Variants in DHRS4L2 observed in about 807,000 individuals in gnomAD.
The protein encoded by DHRS4L2 is dehydrogenase/reductase SDR family member 4-like 2.
In DHRS4L2, 22 loss-of-function variants were observed where a neutral mutation model predicts 23.9. The observed-to-expected ratio is 0.92, with a 90% CI of 0.66 to 1.31. The LOEUF is 1.31. DHRS4L2 is among the 40% of genes most tolerant of loss of function. The pLI, the probability that DHRS4L2 is intolerant of heterozygous loss-of-function variation, is 0.00. For missense variants in DHRS4L2, 385 were observed against 303.3 expected, an observed-to-expected ratio of 1.27 and a Z score of -2.00; for synonymous variants, 141 against 123.7, an observed-to-expected ratio of 1.14 and a Z score of -0.93.
rs1278872429 is a variant in DHRS4L2 at position 23,975,733 on chromosome 14, C to A, written c.-176+5401C>A. Among the ~76,000 whole-genome samples the A allele has an allele frequency of 9.9e-5, 15 of 151,758 alleles. No individual in the cohort carries two copies. In the East Asian group the frequency reaches 2.9e-3, roughly 29 times the overall value. On this transcript the variant is annotated intron_variant, in intron 1 of 5. Coordinates refer to the DHRS4L2 transcript ENST00000534993. ...GCATGGTACCGGTACCAAAACATAT[C>A]TAGACCAATGGAACAGAACAGAGGC...
At chr14:23,998,955 G>A (rs1319967639) in intron 3 of DHRS4L2, among the ~76,000 whole-genome samples, 2 of 148,652 alleles carry the variant, frequency 1.3e-5, no homozygotes, top group African/African-American at 5.0e-5. Flanking sequence ...TTGATTTAAA[G>A]TGAAAGATGT....
chr14:23,988,869 C>A, upstream of DHRS4L2: 3 of 1,541,554 alleles, frequency 1.9e-6, no homozygotes, highest in East Asian at 2.3e-5. Flanking sequence ...GGGAAGCGGC[C>A]CGCCCTTCGT....
At chr14:23,989,543 G>T (rs77491846) in intron 1 of DHRS4L2, among the ~76,000 whole-genome samples, 1 of 151,270 alleles carries the variant, frequency 6.6e-6, no homozygotes, top group African/African-American at 2.4e-5. Flanking sequence ...TTTTTAGGTC[G>T]GTACATCTGG....
At chr14:23,988,859 G>C (rs991693641), upstream of DHRS4L2, 6 of 1,515,702 alleles carry the variant, frequency 4.0e-6, no homozygotes, top group African/African-American at 8.2e-5. Context: ...GGGGCAGGCA[G>C]GGAAGCGGCC....
At chr14:24,001,266 C>T in intron 5 of DHRS4L2, 118 bp from the exon 6 acceptor site, 1 of 1,564,030 alleles carries the variant, frequency 6.4e-7, no homozygotes, top group Non-Finnish European at 8.6e-7. Flanking sequence ...AAGACAGTTT[C>T]CTAACTCTGC....
chr14:23,974,551 A>C (rs371168809), intron 1 of DHRS4L2, among the ~76,000 whole-genome samples: 2 of 151,782 alleles, frequency 1.3e-5, no homozygotes, highest in African/African-American at 4.8e-5. Flanking sequence ...ACACAATAAA[A>C]AATCATAAAG....
intron 1 of DHRS4L2, among the ~76,000 whole-genome samples, chr14:23,981,251 G>A (rs533011666): frequency 1.6e-4 from 25 of 151,662 alleles, no homozygotes; most frequent in South Asian, 6.3e-4. Context: ...TACAAGGGAT[G>A]TGAAGGACCT....
chr14:23,999,908 G>A (rs1396536488), intron 3 of DHRS4L2, among the ~76,000 whole-genome samples: 1 of 128,066 alleles, frequency 7.8e-6, no homozygotes, highest in Non-Finnish European at 1.6e-5. Flanking sequence ...TGCCCAGGCT[G>A]TTCTCGAACT....
At position 23,969,916 on chromosome 14, in the gene DHRS4L2, G is replaced by A. The variant is rs112641258; in HGVS notation, c.-592G>A. The A allele has an allele frequency of 8.6e-5, 38 of 440,842 alleles. No individual in the cohort carries two copies. The East Asian group carries it at 2.4e-3, about 28-fold the overall frequency. 27.3% of individuals were successfully genotyped at this position (440,842 alleles called of 1,614,324 possible). A position where few individuals can be genotyped will look rare whatever the true frequency, so the allele number is the denominator to read the frequency against. On this transcript the variant is annotated 5_prime_UTR_variant, in exon 1 of 6. Coordinates refer to the DHRS4L2 transcript ENST00000534993. ...TCTCCGGGCCGGCGTGGGAGCCCGC[G>A]CTCCAAGGCCCGGTGGGGGGAGGGG... is the stretch of plus-strand genomic sequence containing the variant.
chr14:23,970,547 C>G lies in DHRS4L2; in HGVS notation c.-176+215C>G, dbSNP rs370541905. ...TTCCACCTCAGGGGCCAGGGCATATCTGAACAAAAGGCAGCGGACAGCTTC... is the reference window on the plus strand; with the variant it reads ...TTCCACCTCAGGGGCCAGGGCATATGTGAACAAAAGGCAGCGGACAGCTTC... On this transcript the variant is annotated intron_variant, in intron 1 of 5. Transcript: ENST00000534993. Among the ~76,000 whole-genome samples, 32 of 152,246 alleles carry G rather than the reference C, an allele frequency of 2.1e-4. No individual in the cohort carries two copies. The East Asian group carries it at 5.8e-3, about 28-fold the overall frequency.
intron 1 of DHRS4L2, among the ~76,000 whole-genome samples, chr14:23,989,528 AC>A (rs947221797): frequency 3.3e-5 from 5 of 151,464 alleles, no homozygotes; most frequent in African/African-American, 9.7e-5. Flanking sequence ...ATGTGTCGAG[AC>A]TTTTTTTTAG....
At chr14:23,980,961 C>T (rs186258082) in intron 1 of DHRS4L2, among the ~76,000 whole-genome samples, 1 of 151,608 alleles carries the variant, frequency 6.6e-6, no homozygotes, top group Admixed American at 6.6e-5. Flanking sequence ...AGCCAGGGCA[C>T]TCAGGCAAGA....
At chr14:23,986,271 C>T (rs888977109), upstream of DHRS4L2, among the ~76,000 whole-genome samples, 8 of 151,240 alleles carry the variant, frequency 5.3e-5, no homozygotes, top group Admixed American at 5.3e-4. Flanking sequence ...CCTGTGAGAA[C>T]ACTGCATGTT....
intron 7 of DHRS4L2, among the ~76,000 whole-genome samples, chr14:24,005,610 C>G (rs1403357195): frequency 6.6e-6 from 1 of 152,016 alleles, no homozygotes; most frequent in Admixed American, 6.6e-5. Flanking sequence ...ATCTATATAA[C>G]TTTGGATTTT....
upstream of DHRS4L2, among the ~76,000 whole-genome samples, chr14:23,985,540 C>T (rs143140915): frequency 5.4e-4 from 82 of 151,608 alleles, 3 homozygotes; most frequent in Middle Eastern, 3.4e-3. Context: ...GGACCGCAGG[C>T]AGCCCTTGAA....
chr14:24,004,631 C>A (rs2034539429), intron 7 of DHRS4L2: 1 of 709,572 alleles, frequency 1.4e-6, no homozygotes, highest in Non-Finnish European at 2.4e-6. Context: ...CTCGGAGAAG[C>A]CCTGAGTCCT....
intron 3 of DHRS4L2, among the ~76,000 whole-genome samples, chr14:23,996,739 C>G (rs1391067383): frequency 6.7e-6 from 1 of 149,292 alleles, no homozygotes; most frequent in Non-Finnish European, 1.5e-5. Context: ...CTCCCAGGTT[C>G]AAGCGATTCT....
chr14:23,994,124 C>T (rs1378681569), intron 2 of DHRS4L2, among the ~76,000 whole-genome samples: 3 of 151,788 alleles, frequency 2.0e-5, no homozygotes, highest in Non-Finnish European at 4.4e-5. Context: ...TCCAGGGTAA[C>T]TTTCTTCAGC....
At chr14:23,985,357 G>A (rs2034121300), upstream of DHRS4L2, among the ~76,000 whole-genome samples, 1 of 151,576 alleles carries the variant, frequency 6.6e-6, no homozygotes, top group Non-Finnish European at 1.5e-5. Context: ...CTCAATAAAT[G>A]CTGTTAACAC....
Sources: gnomAD v4.1 joint callset for allele counts (sites outside exome capture counted in the v4.1 genomes callset) on GRCh38, gnomAD v4.1.1 for gene constraint, MANE v1.5 for transcripts, NCBI Gene and HGNC (gene_info 2026-07-23, HGNC 2026-07-21) for gene names.